ENOX1: variants seen among roughly 807,000 people sequenced by gnomAD.
ENOX1 encodes candidate growth-related and time keeping constitutive hydroquinone (NADH) oxidase.
A neutral mutation model predicts 82.5 loss-of-function variants in ENOX1; 42 were observed. The ratio of observed to expected loss-of-function variants is 0.51; its 90% CI spans 0.40 to 0.66. The LOEUF is 0.66. Among genes scored for constraint, ENOX1 ranks in the 30% least tolerant of loss-of-function variants. The pLI is 0.00. For synonymous variants in ENOX1, 271 were observed against 282.2 expected (o/e 0.96, Z 0.40); for missense variants, 608 against 811.6 (o/e 0.75, Z 3.05).
chr13:43,338,973 CCG>C (rs2048903438), intron 9 of ENOX1, among the ~76,000 whole-genome samples: 3 of 152,286 alleles, frequency 2.0e-5, no homozygotes, highest in Non-Finnish European at 2.9e-5. Context: ...GCGTGAGCCA[CCG>C]TGCCCGGCCT....
chr13:43,763,858 C>A (rs540539784), intron 1 of ENOX1, among the ~76,000 whole-genome samples: 71 of 152,204 alleles, frequency 4.7e-4, no homozygotes, highest in South Asian at 1.9e-3. Context: ...ATCAATAATG[C>A]CTGTGGAACA....
At chr13:43,514,895 GC>G (rs548774452) in intron 2 of ENOX1, among the ~76,000 whole-genome samples, 5 of 151,906 alleles carry the variant, frequency 3.3e-5, no homozygotes, top group Admixed American at 6.6e-5. Flanking sequence ...TCCAACTGTA[GC>G]CCCCCCTTCC....
chr13:43,250,464 T>C lies in ENOX1; in HGVS notation c.1612-13726A>G, dbSNP rs918650346. On this transcript the variant is annotated intron_variant, in intron 14 of 16. Transcript: ENST00000690772. ...CTGTCATGTGGACTTGGATGGACCT[T>C]GTTAGGAGCGGCTAGTTATGGGTCC... is the stretch of plus-strand genomic sequence containing the variant. Among the ~76,000 whole-genome samples, 4 of 152,224 alleles carry C rather than the reference T, an allele frequency of 2.6e-5. No homozygotes were observed. In the South Asian group the frequency reaches 6.2e-4, roughly 24 times the overall value.
rs2042960070 is a variant in ENOX1, at chr13:43,243,930, C to A, written c.1612-7192G>T. On this transcript the variant is annotated intron_variant, in intron 14 of 16. Transcript: ENST00000690772. ...GCACAAGTCCTGTATCTCCCAGAGG[C>A]ATCTGTTTCAGGCCACTTGCAAGGC... Among the ~76,000 whole-genome samples the A allele has an allele frequency of 2.0e-5, 3 of 152,116 alleles. No homozygotes were observed. In the South Asian group the frequency reaches 6.3e-4, roughly 32 times the overall value.
chr13:43,460,173 G>T (rs999010664), intron 3 of ENOX1, among the ~76,000 whole-genome samples: 5 of 152,148 alleles, frequency 3.3e-5, no homozygotes, highest in Admixed American at 1.3e-4. Flanking sequence ...AGACAAAAGT[G>T]AGTGAATATT....
chr13:43,376,234 G>C (rs943228399), intron 5 of ENOX1, among the ~76,000 whole-genome samples: 77 of 152,316 alleles, frequency 5.1e-4, no homozygotes, highest in African/African-American at 1.7e-3. Flanking sequence ...ATCAGAGAGT[G>C]ATGGGACAGA....
intron 1 of ENOX1, among the ~76,000 whole-genome samples, chr13:43,704,648 A>T (rs1478130337): frequency 6.6e-6 from 1 of 152,178 alleles, no homozygotes; most frequent in Admixed American, 6.5e-5. Context: ...CAACGAAGAA[A>T]TGCGTAGAAA....
At chr13:43,482,677 G>T (rs2058552596) in intron 3 of ENOX1, among the ~76,000 whole-genome samples, 2 of 151,792 alleles carry the variant, frequency 1.3e-5, no homozygotes, top group Non-Finnish European at 2.9e-5. Flanking sequence ...AGAAAAAAAG[G>T]AAATTGGATC....
chr13:43,262,466 G>T (rs1443480536), intron 14 of ENOX1, among the ~76,000 whole-genome samples: 2 of 152,144 alleles, frequency 1.3e-5, no homozygotes, highest in African/African-American at 4.8e-5. Flanking sequence ...TGGTCCAGAG[G>T]CTTTAAACCT....
In ENOX1 at chr13:43,233,139, T is replaced by C. The variant is rs770347793; in HGVS notation, c.1714+3497A>G. On this transcript the variant is annotated intron_variant, in intron 15 of 16. Transcript: ENST00000690772. ...ATTGAGCAATGTCAAGCTGACCTTA[T>C]GTGTGGTTACTATAGCATTATGAAA... 8.5e-5 allele frequency among the ~76,000 whole-genome samples: 13 copies of C among 152,324 alleles called. No homozygotes were observed. The Middle Eastern group carries it at 0.01, about 120-fold the overall frequency.
At chr13:43,741,057 C>T (rs1184899611) in intron 1 of ENOX1, among the ~76,000 whole-genome samples, 1 of 150,828 alleles carries the variant, frequency 6.6e-6, no homozygotes, top group African/African-American at 2.4e-5. Context: ...GAAAAAGTGC[C>T]AAACTGTTCT....
intron 5 of ENOX1, among the ~76,000 whole-genome samples, chr13:43,362,768 C>A (rs1159751980): frequency 2.0e-5 from 3 of 152,170 alleles, no homozygotes; most frequent in Non-Finnish European, 4.4e-5. Context: ...CAGATTCCGC[C>A]AGCTACTTTG....
chr13:43,680,755 T>C lies in ENOX1; in HGVS notation c.-284-13211A>G, dbSNP rs778166220. Reference sequence around the variant, plus strand: ...CAGCAAGTACTCAAGGTTAGTATCATCCCTGTGAACATACAACCCATGAAC... The same window carrying C: ...CAGCAAGTACTCAAGGTTAGTATCACCCCTGTGAACATACAACCCATGAAC... On this transcript the variant is annotated intron_variant, in intron 1 of 16. Coordinates refer to ENST00000690772, the MANE Select transcript of ENOX1 (RefSeq NM_001347969.2). Among the ~76,000 whole-genome samples, 4 of 152,096 alleles carry C rather than the reference T, an allele frequency of 2.6e-5. No individual in the cohort carries two copies. In the South Asian group the frequency reaches 6.2e-4, roughly 24 times the overall value.
At chr13:43,611,498 G>A (rs904689283) in intron 2 of ENOX1, among the ~76,000 whole-genome samples, 5 of 152,162 alleles carry the variant, frequency 3.3e-5, no homozygotes, top group Admixed American at 6.5e-5. Flanking sequence ...AGGCTACTTA[G>A]ATGATGATGA....
chr13:43,580,879 T>C (rs2080688708), intron 2 of ENOX1, among the ~76,000 whole-genome samples: 1 of 152,210 alleles, frequency 6.6e-6, no homozygotes, highest in South Asian at 2.1e-4. Context: ...ACATATGTTA[T>C]TTAGTAAGTC....
chr13:43,756,391 C>A (rs1950637484), intron 1 of ENOX1, among the ~76,000 whole-genome samples: 1 of 150,820 alleles, frequency 6.6e-6, no homozygotes, highest in Admixed American at 6.6e-5. Context: ...CGGGATCGTA[C>A]CACTGCACTC....
chr13:43,765,848 T>C (rs924358435), intron 1 of ENOX1, among the ~76,000 whole-genome samples: 2 of 152,332 alleles, frequency 1.3e-5, no homozygotes, highest in African/African-American at 4.8e-5. Context: ...ATAATAAAGA[T>C]AGTAATGTTA....
chr13:43,678,002 G>T (rs1461579226), intron 1 of ENOX1, among the ~76,000 whole-genome samples: 1 of 151,848 alleles, frequency 6.6e-6, no homozygotes, highest in Non-Finnish European at 1.5e-5. Context: ...CACTAATTCG[G>T]AATTGGTGAG....
chr13:43,435,180 A>G (rs2055943372), intron 3 of ENOX1, among the ~76,000 whole-genome samples: 2 of 152,038 alleles, frequency 1.3e-5, no homozygotes, highest in South Asian at 4.1e-4. Context: ...GGGCCACGCA[A>G]TGGAGTATGC....
Sources: allele counts gnomAD v4.1 joint callset (sites outside exome capture counted in the v4.1 genomes callset), GRCh38; gene constraint gnomAD v4.1.1; transcripts MANE v1.5; gene names NCBI Gene and HGNC (gene_info 2026-07-23, HGNC 2026-07-21).